CLVS1: variants seen among roughly 807,000 people sequenced by gnomAD.
The protein encoded by CLVS1 is clavesin-1.
CLVS1 carries 10 observed loss-of-function variants against 33.1 expected under a neutral mutation model. That is an observed-to-expected ratio of 0.30 (90% CI 0.19 to 0.51). CLVS1 has a LOEUF of 0.51. CLVS1 is among the 20% of genes least tolerant of loss of function. CLVS1 has a pLI of 0.97. For synonymous variants in CLVS1, 163 were observed against 166.1 expected (o/e 0.98, Z 0.14); for missense variants, 343 against 433.4 (o/e 0.79, Z 1.85).
At chr8:61,368,190 G>A (rs1338401087) in intron 2 of CLVS1, among the ~76,000 whole-genome samples, 4 of 152,174 alleles carry the variant, frequency 2.6e-5, no homozygotes, top group Admixed American at 2.0e-4. Flanking sequence ...GTGAGTTATT[G>A]CACATGCACA....
chr8:61,469,938 A>T (rs1303679057), intron 5 of CLVS1, among the ~76,000 whole-genome samples: 1 of 152,232 alleles, frequency 6.6e-6, no homozygotes, highest in Non-Finnish European at 1.5e-5. Flanking sequence ...CTGCTACTCA[A>T]GCAGCTAATG....
intron 2 of CLVS1, among the ~76,000 whole-genome samples, chr8:61,338,552 C>T (rs1811888255): frequency 6.6e-6 from 1 of 152,156 alleles, no homozygotes; most frequent in African/African-American, 2.4e-5. Flanking sequence ...CTAGCACAGG[C>T]AATAGTCTGT....
At position 61,402,069 on chromosome 8, in the gene CLVS1, G is replaced by A. The variant is rs544913192; in HGVS notation, c.630+25290G>A. Among the ~76,000 whole-genome samples, 7 of 152,044 alleles carry A rather than the reference G, an allele frequency of 4.6e-5. No individual in the cohort carries two copies. In the South Asian group the frequency reaches 6.2e-4, roughly 14 times the overall value. ...TATTCACAAGGCCTGGAACCCACTC[G>A]GTAAATTGATGGACAGACAGATGGA... is the stretch of plus-strand genomic sequence containing the variant. On this transcript the variant is annotated intron_variant, in intron 3 of 5. Coordinates refer to ENST00000325897, the MANE Select transcript of CLVS1 (RefSeq NM_173519.3).
intron 3 of CLVS1, among the ~76,000 whole-genome samples, chr8:61,380,665 C>T (rs1460856954): frequency 6.6e-6 from 1 of 152,138 alleles, no homozygotes; most frequent in Non-Finnish European, 1.5e-5. Flanking sequence ...CTGTTCATTA[C>T]AATTTGTTTA....
intron 2 of CLVS1, among the ~76,000 whole-genome samples, chr8:61,273,026 G>A (rs879406845): frequency 5.3e-5 from 8 of 150,918 alleles, no homozygotes; most frequent in African/African-American, 7.4e-5. Flanking sequence ...GCTTTGTTCC[G>A]TTGCTGGTGA....
chr8:61,125,147 C>T (rs1411737464), intron 1 of CLVS1, among the ~76,000 whole-genome samples: 1 of 152,176 alleles, frequency 6.6e-6, no homozygotes, highest in African/African-American at 2.4e-5. Flanking sequence ...CTCAAGGATA[C>T]ACTCAAAATG....
At chr8:61,230,417 A>T (rs547273613) in intron 2 of CLVS1, among the ~76,000 whole-genome samples, 1 of 152,278 alleles carries the variant, frequency 6.6e-6, no homozygotes, top group East Asian at 1.9e-4. Flanking sequence ...CTCATCTATA[A>T]AATGATAATG....
At chr8:61,491,208 G>A (rs982615937) in intron 5 of CLVS1, among the ~76,000 whole-genome samples, 1 of 152,188 alleles carries the variant, frequency 6.6e-6, no homozygotes, top group African/African-American at 2.4e-5. Flanking sequence ...AGAACAATTG[G>A]TGATTGTAGT....
intron 3 of CLVS1, among the ~76,000 whole-genome samples, chr8:61,448,120 C>T (rs941242724): frequency 6.6e-6 from 1 of 151,778 alleles, no homozygotes; most frequent in Non-Finnish European, 1.5e-5. Context: ...GTTGTTATTT[C>T]ATTTGTTTTC....
intron 1 of CLVS1, among the ~76,000 whole-genome samples, chr8:61,066,473 G>T (rs1384558510): frequency 6.6e-6 from 1 of 152,194 alleles, no homozygotes; most frequent in African/African-American, 2.4e-5. Flanking sequence ...ACTCCAGCTT[G>T]AGGGACTGGG....
intron 1 of CLVS1, among the ~76,000 whole-genome samples, chr8:61,092,836 A>G (rs1805273802): frequency 6.6e-6 from 1 of 152,202 alleles, no homozygotes; most frequent in African/African-American, 2.4e-5. Flanking sequence ...ACATATTCAC[A>G]GTTTTCAGGG....
upstream of CLVS1, among the ~76,000 whole-genome samples, chr8:61,055,063 T>C (rs1271954276): frequency 2.0e-5 from 3 of 152,226 alleles, no homozygotes; most frequent in Non-Finnish European, 4.4e-5. Flanking sequence ...CTTCCAATCA[T>C]ATAGTTTACT....
intron 2 of CLVS1, among the ~76,000 whole-genome samples, chr8:61,256,883 T>C (rs1221566321): frequency 6.6e-6 from 1 of 152,208 alleles, no homozygotes; most frequent in East Asian, 1.9e-4. Flanking sequence ...AGAAGGCAAG[T>C]TTTAGAATCC....
At chr8:61,449,545 A>G (rs1368304739) in intron 3 of CLVS1, among the ~76,000 whole-genome samples, 2 of 152,320 alleles carry the variant, frequency 1.3e-5, no homozygotes, top group South Asian at 4.1e-4. Flanking sequence ...TTAGGAAGGG[A>G]CCACAGTTTT....
At chr8:61,064,069 A>G (rs924633589) in intron 1 of CLVS1, among the ~76,000 whole-genome samples, 1 of 152,182 alleles carries the variant, frequency 6.6e-6, no homozygotes, top group Non-Finnish European at 1.5e-5. Flanking sequence ...ATTCGTTTTT[A>G]AGGTGCATGA....
In CLVS1 at chr8:61,118,856, G is replaced by T. The variant is rs538171203; in HGVS notation, c.-242-12914G>T. ...AAAAAAATGTATATTCTGTTGATTT[G>T]GGGTGGAGAGTTCTGTGGATGTCTA... is the stretch of plus-strand genomic sequence containing the variant. On this transcript the variant is annotated intron_variant, in intron 1 of 2. Coordinates refer to the CLVS1 transcript ENST00000522621. Among the ~76,000 whole-genome samples, 890 of 152,276 alleles carry T rather than the reference G, an allele frequency of 5.8e-3. 33 individuals carry two copies. The highest frequency in any genetic ancestry group is 0.055 in the Admixed American group (838 of 15,296).
At chr8:61,434,070 A>G (rs1035540066) in intron 3 of CLVS1, among the ~76,000 whole-genome samples, 1 of 152,184 alleles carries the variant, frequency 6.6e-6, no homozygotes, top group Non-Finnish European at 1.5e-5. Context: ...GCAGGACATG[A>G]AGCTGAAGTA....
chr8:61,071,029 T>C (rs1465132754), intron 1 of CLVS1, among the ~76,000 whole-genome samples: 1 of 152,120 alleles, frequency 6.6e-6, no homozygotes, highest in East Asian at 1.9e-4. Context: ...CAACATCCGC[T>C]CTTGACCTGT....
chr8:61,155,473 G>A (rs1806630833), intron 2 of CLVS1, among the ~76,000 whole-genome samples: 1 of 152,154 alleles, frequency 6.6e-6, no homozygotes, highest in Non-Finnish European at 1.5e-5. Flanking sequence ...TATGCTTTGG[G>A]ATAAAGCTCT....
Sources: allele counts gnomAD v4.1 joint callset (sites outside exome capture counted in the v4.1 genomes callset), GRCh38; gene constraint gnomAD v4.1.1; transcripts MANE v1.5; gene names NCBI Gene and HGNC (gene_info 2026-07-23, HGNC 2026-07-21).